GINM1: variants seen among roughly 807,000 people sequenced by gnomAD.
GINM1 encodes glycoprotein integral membrane protein 1.
GINM1 carries 29 observed loss-of-function variants against 37.8 expected under a neutral mutation model. The observed-to-expected ratio is 0.77, with a 90% CI of 0.57 to 1.05. The LOEUF (loss-of-function observed/expected upper bound fraction) is 1.05. GINM1 is among the 50% of genes least tolerant of loss of function. The probability of loss-of-function intolerance (pLI) is 0.00; values close to 1 mark genes in which losing one functional copy is unlikely to be tolerated. For synonymous variants in GINM1, 143 were observed against 146.2 expected, an observed-to-expected ratio of 0.98 and a Z score of 0.16; for missense variants, 377 against 397.9, an observed-to-expected ratio of 0.95 and a Z score of 0.45.
chr6:149,577,777 A>T (rs954637729), intron 3 of GINM1, among the ~76,000 whole-genome samples: 2 of 152,218 alleles, frequency 1.3e-5, no homozygotes, highest in South Asian at 4.1e-4. Context: ...AGGGATAGAA[A>T]TAAAATGCTC....
Position 149,574,199 on chromosome 6 carries a change from C to T in GINM1, c.277+1596C>T, listed in dbSNP as rs187581806. 1.3e-3 allele frequency among the ~76,000 whole-genome samples: 204 copies of T among 151,814 alleles called. 1 individual carries two copies. Among genetic ancestry groups the T allele is most frequent in the Admixed American group, 3.2e-3 (48 of 15,224 alleles). ...CCGAGTAGCTTGGATTACAGGTGCC[C>T]GCCACCATGCCCGGCTAATTTTTGT... On this transcript the variant is annotated intron_variant, in intron 3 of 7. Transcript: ENST00000367419.
intron 3 of GINM1, among the ~76,000 whole-genome samples, chr6:149,575,657 G>A (rs1334988789): frequency 6.6e-6 from 1 of 152,232 alleles, no homozygotes; most frequent in Admixed American, 6.5e-5. Flanking sequence ...TTGTGTGTAT[G>A]TGTGGGTGTG....
In GINM1 at chr6:149,566,676, C is replaced by T. The variant is rs999170000; in HGVS notation, c.120+142C>T. The T allele has an allele frequency of 1.7e-6, 2 of 1,182,264 alleles. No individual in the cohort carries two copies. The highest frequency in any genetic ancestry group is 2.2e-6 in the Non-Finnish European group (2 of 899,010). 73.2% of individuals were successfully genotyped at this position (1,182,264 alleles called of 1,614,324 possible). On this transcript the variant is annotated intron_variant, in intron 1 of 7. Transcript: ENST00000367419. This position sits in a 1 kb window ranked among gnomAD's most constrained non-coding sequence, Gnocchi z 4.4. Reference sequence around the variant, plus strand: ...CCCGAAGGAGGTGTGGGGAGAAGCACCCCAGGAAATGGGGGCGGCGTGGGA... The same window carrying T: ...CCCGAAGGAGGTGTGGGGAGAAGCATCCCAGGAAATGGGGGCGGCGTGGGA...
intron 6 of GINM1, chr6:149,582,206 A>G (rs1778012780): frequency 1.7e-6 from 1 of 581,116 alleles, no homozygotes; most frequent in South Asian, 1.7e-5. Flanking sequence ...TTGTGCTTGT[A>G]TTGTTAGAAC....
At chr6:149,589,846 G>A (rs144217994) in intron 7 of GINM1, among the ~76,000 whole-genome samples, 16 of 151,406 alleles carry the variant, frequency 1.1e-4, no homozygotes, top group South Asian at 4.2e-4. Context: ...TCACCCAGGC[G>A]GCAGTGCAGT....
intron 2 of GINM1, 76 bp downstream of exon 2, chr6:149,572,420 G>A (rs762462045): frequency 1.2e-4 from 146 of 1,252,462 alleles, no homozygotes; most frequent in Admixed American, 1.2e-3. Context: ...TAACTTGCAC[G>A]TCTCATTTAG....
intron 3 of GINM1, 53 bp downstream of exon 3, chr6:149,572,656 G>A (rs1777847767): frequency 9.6e-7 from 1 of 1,043,464 alleles, no homozygotes; most frequent in African/African-American, 1.6e-5. Context: ...TGTGTTTGTT[G>A]TTGTTGTTGT....
At chr6:149,573,786 C>T (rs1263839034) in intron 3 of GINM1, among the ~76,000 whole-genome samples, 1 of 151,162 alleles carries the variant, frequency 6.6e-6, no homozygotes, top group Non-Finnish European at 1.5e-5. Flanking sequence ...AGGATCGCCA[C>T]TGTACTCCAG....
intron 7 of GINM1, among the ~76,000 whole-genome samples, chr6:149,588,648 G>C (rs909637641): frequency 6.6e-6 from 1 of 152,094 alleles, no homozygotes; most frequent in African/African-American, 2.4e-5. Flanking sequence ...TTTAAAGACA[G>C]GGTTTTGTTC....
chr6:149,582,607 A>C lies in GINM1; in HGVS notation c.881+4A>C. On this transcript the variant is annotated splice_donor_region_variant and intron_variant, in intron 7 of 7. Coordinates refer to ENST00000367419, the MANE Select transcript of GINM1 (RefSeq NM_138785.5). Reference sequence around the variant, plus strand: ...TTTTCCCAGTTTCTGAATACAAGTAAGTATTTCTTATTTTTGAAATGTTAG... The same window carrying C: ...TTTTCCCAGTTTCTGAATACAAGTACGTATTTCTTATTTTTGAAATGTTAG... 6.5e-7 allele frequency: 1 copy of C among 1,535,584 alleles called. No individual in the cohort carries two copies. Among genetic ancestry groups the C allele is most frequent in the Non-Finnish European group, 8.8e-7 (1 of 1,138,020 alleles).
In GINM1 at chr6:149,566,384, C is replaced by T. The variant is rs780396295; in HGVS notation, c.-31C>T. ...GGCCGGCTCCGCCCTCACCTCCCGG[C>T]CGCGGCTGCCCTCTGCCCGGGTTGT... On this transcript the variant is annotated 5_prime_UTR_variant, in exon 1 of 8. Coordinates refer to ENST00000367419, the MANE Select transcript of GINM1 (RefSeq NM_138785.5). This position sits in a 1 kb window ranked among gnomAD's most constrained non-coding sequence, Gnocchi z 4.4. 6 of 1,500,364 alleles carry T rather than the reference C, an allele frequency of 4.0e-6. No homozygotes were observed. Among genetic ancestry groups the T allele is most frequent in the Non-Finnish European group, 4.4e-6 (5 of 1,133,506 alleles). 92.9% of individuals were successfully genotyped at this position (1,500,364 alleles called of 1,614,324 possible). A position where few individuals can be genotyped will look rare whatever the true frequency, so the allele number is the denominator to read the frequency against.
At chr6:149,584,948 A>G (rs1269170931) in intron 7 of GINM1, among the ~76,000 whole-genome samples, 1 of 152,050 alleles carries the variant, frequency 6.6e-6, no homozygotes, top group Non-Finnish European at 1.5e-5. Context: ...GGTGTGAACC[A>G]CTGTGCCTGG....
rs955036850 is a variant in GINM1 at position 149,566,686 on chromosome 6, TGGG to T, written c.120+155_120+157del. The T allele has an allele frequency of 1.2e-5, 13 of 1,104,922 alleles. No individual in the cohort carries two copies. The African/African-American group carries it at 2.2e-4, about 19-fold the overall frequency. 68.4% of individuals were successfully genotyped at this position (1,104,922 alleles called of 1,614,324 possible). A position where few individuals can be genotyped will look rare whatever the true frequency, so the allele number is the denominator to read the frequency against. On this transcript the variant is annotated intron_variant, in intron 1 of 7. Coordinates refer to ENST00000367419, the MANE Select transcript of GINM1 (RefSeq NM_138785.5). The surrounding 1 kb of genome is among the most constrained non-coding windows in gnomAD (Gnocchi z 4.4). ...GTGTGGGGAGAAGCACCCCAGGAAA[TGGG>T]GGCGGCGTGGGAGGCCGAGGTAAGA...
At chr6:149,580,200 A>T (rs530524487) in intron 5 of GINM1, among the ~76,000 whole-genome samples, 36 of 152,298 alleles carry the variant, frequency 2.4e-4, no homozygotes, top group Middle Eastern at 6.8e-3. Flanking sequence ...TTAGGACTCT[A>T]TTTGGAGCAT....
chr6:149,585,061 G>A (rs1778049144), intron 7 of GINM1, among the ~76,000 whole-genome samples: 1 of 152,114 alleles, frequency 6.6e-6, no homozygotes, highest in Admixed American at 6.5e-5. Flanking sequence ...TAAAAATTCT[G>A]TAGTTTAACA....
At chr6:149,587,340 C>T (rs1033513859) in intron 7 of GINM1, among the ~76,000 whole-genome samples, 1 of 152,156 alleles carries the variant, frequency 6.6e-6, no homozygotes, top group African/African-American at 2.4e-5. Flanking sequence ...TCCACCTGGA[C>T]ACAGCGTCAG....
chr6:149,584,846 C>G (rs1271858754), intron 7 of GINM1, among the ~76,000 whole-genome samples: 1 of 150,376 alleles, frequency 6.6e-6, no homozygotes, highest in Non-Finnish European at 1.5e-5. Context: ...GAGAGAGAGA[C>G]ACGGGGATCT....
intron 7 of GINM1, among the ~76,000 whole-genome samples, chr6:149,585,827 C>T (rs1276009404): frequency 2.0e-5 from 3 of 152,074 alleles, no homozygotes; most frequent in Admixed American, 6.5e-5. Context: ...CCCCTGACCT[C>T]GTGAGCCCCC....
In GINM1 at chr6:149,587,858, G is replaced by C. The variant is rs9885848; in HGVS notation, c.882-2869G>C. Reference sequence around the variant, plus strand: ...TCATGGTTGATACCCCTGGCAACCAGCTCCCCTGTTGAGGCTATCCAGGAT... The same window carrying C: ...TCATGGTTGATACCCCTGGCAACCACCTCCCCTGTTGAGGCTATCCAGGAT... On this transcript the variant is annotated intron_variant, in intron 7 of 7. Transcript: ENST00000367419. 6.2e-3 allele frequency among the ~76,000 whole-genome samples: 940 copies of C among 152,248 alleles called. 6 individuals carry two copies. Among genetic ancestry groups the C allele is most frequent in the Non-Finnish European group, 0.011 (721 of 68,008 alleles).
Sources: gnomAD v4.1 joint callset for allele counts (sites outside exome capture counted in the v4.1 genomes callset) on GRCh38, gnomAD v4.1.1 for gene constraint, Gnocchi (gnomAD v3.1) non-coding constraint, MANE v1.5 for transcripts, NCBI Gene and HGNC (gene_info 2026-07-23, HGNC 2026-07-21) for gene names.